Variants in NAA16 observed in about 807,000 individuals in gnomAD.
NAA16 encodes N-alpha-acetyltransferase 16, NatA auxiliary subunit.
In NAA16, 97 loss-of-function variants were observed where a neutral mutation model predicts 110.3. The ratio of observed to expected loss-of-function variants is 0.88; its 90% CI spans 0.75 to 1.04. The LOEUF (loss-of-function observed/expected upper bound fraction) is 1.04. NAA16 is among the 50% of genes least tolerant of loss of function. NAA16 has a pLI of 0.00. For missense variants in NAA16, 1,017 were observed against 1,005.1 expected (o/e 1.01, Z -0.16); for synonymous variants, 372 against 330.6 (o/e 1.13, Z -1.36).
intron 11 of NAA16, 134 bp downstream of exon 11, chr13:41,358,607 GT>G: frequency 6.9e-7 from 1 of 1,459,548 alleles, no homozygotes; most frequent in South Asian, 1.5e-5. Context: ...GTAGTTTCAT[GT>G]TATATTAATT....
At chr13:41,344,611 G>C (rs1267121116) in intron 9 of NAA16, among the ~76,000 whole-genome samples, 1 of 152,190 alleles carries the variant, frequency 6.6e-6, no homozygotes, top group Non-Finnish European at 1.5e-5. Flanking sequence ...CTGTTGACGT[G>C]TTGGGCTAGA....
At chr13:41,322,655 TG>T (rs2041976770) in intron 4 of NAA16, among the ~76,000 whole-genome samples, 1 of 152,176 alleles carries the variant, frequency 6.6e-6, no homozygotes, top group Non-Finnish European at 1.5e-5. Context: ...GTCCTGTGTC[TG>T]GCCAATTATT....
intron 17 of NAA16, 35 bp from the exon 18 acceptor site, chr13:41,373,602 A>G (rs781637068): frequency 2.6e-6 from 4 of 1,543,638 alleles, no homozygotes; most frequent in Non-Finnish European, 2.6e-6. Context: ...AGGACAGATC[A>G]AAAACAAAAA....
In NAA16 at chr13:41,342,980, C is replaced by T. The variant is rs1056039426; in HGVS notation, c.1014+6224C>T. Among the ~76,000 whole-genome samples the T allele has an allele frequency of 2.0e-5, 3 of 150,536 alleles. No homozygotes were observed. In the Admixed American group the frequency reaches 2.0e-4, roughly 10 times the overall value. On this transcript the variant is annotated intron_variant, in intron 9 of 19. Coordinates refer to ENST00000379406, the MANE Select transcript of NAA16 (RefSeq NM_024561.5). ...TTTCATCAAAAAAGTGCTATAATTACAATATAGAAAATTTGGAAAACAGAG... is the reference window on the plus strand; with the variant it reads ...TTTCATCAAAAAAGTGCTATAATTATAATATAGAAAATTTGGAAAACAGAG...
intron 9 of NAA16, among the ~76,000 whole-genome samples, chr13:41,353,186 C>T (rs897784006): frequency 6.6e-6 from 1 of 151,968 alleles, no homozygotes; most frequent in African/African-American, 2.4e-5. Context: ...TTTTAAAAGC[C>T]ACCTCTGGTT....
At chr13:41,335,223 G>C (rs1015811242) in intron 8 of NAA16, among the ~76,000 whole-genome samples, 2 of 17,648 alleles carry the variant, frequency 1.1e-4, no homozygotes, top group African/African-American at 8.9e-4. Flanking sequence ...TCAGATATCA[G>C]AGAAGAGACA....
At chr13:41,322,421 G>A (rs2041971248) in intron 4 of NAA16, among the ~76,000 whole-genome samples, 1 of 152,156 alleles carries the variant, frequency 6.6e-6, no homozygotes, top group African/African-American at 2.4e-5. Flanking sequence ...CCTCTGAATG[G>A]GGTGGAGGAG....
chr13:41,311,795 C>T (rs914295809), intron 1 of NAA16, among the ~76,000 whole-genome samples: 2 of 152,226 alleles, frequency 1.3e-5, no homozygotes, highest in Non-Finnish European at 2.9e-5. Flanking sequence ...TTTCCGCGGT[C>T]TTCTGCGGCT....
intron 9 of NAA16, among the ~76,000 whole-genome samples, chr13:41,343,323 C>T (rs953903898): frequency 4.6e-5 from 7 of 152,090 alleles, no homozygotes; most frequent in Non-Finnish European, 5.9e-5. Flanking sequence ...CTTCTGGGCT[C>T]AAGTGATTCT....
At chr13:41,352,304 T>C (rs1302307182) in intron 9 of NAA16, among the ~76,000 whole-genome samples, 1 of 151,738 alleles carries the variant, frequency 6.6e-6, no homozygotes, top group African/African-American at 2.4e-5. Flanking sequence ...TTCACACCAC[T>C]GCACTCCAGC....
chr13:41,316,409 C>T (rs151268537), intron 1 of NAA16, among the ~76,000 whole-genome samples: 30 of 150,972 alleles, frequency 2.0e-4, no homozygotes, highest in Middle Eastern at 6.9e-3. Flanking sequence ...TGCGTTCAAG[C>T]GATTCTCCTG....
chr13:41,372,699 A>C, intron 16 of NAA16, 33 bp from the exon 17 acceptor site: 5 of 1,566,530 alleles, frequency 3.2e-6, no homozygotes, highest in Non-Finnish European at 4.3e-6. Context: ...TGTAAGTATT[A>C]ATGCTATTAC....
chr13:41,312,447 A>G (rs927966089), intron 1 of NAA16, among the ~76,000 whole-genome samples: 2 of 152,158 alleles, frequency 1.3e-5, no homozygotes, highest in African/African-American at 4.8e-5. Flanking sequence ...CTGTTCTTCC[A>G]AGGAGAAGAG....
At chr13:41,374,649 C>A in intron 18 of NAA16, 93 bp from the exon 19 acceptor site, 1 of 850,570 alleles carries the variant, frequency 1.2e-6, no homozygotes. Context: ...TGATTAAACA[C>A]TTAAAACCAT....
At chr13:41,326,797 T>C (rs1256705971) in intron 6 of NAA16, among the ~76,000 whole-genome samples, 1 of 152,152 alleles carries the variant, frequency 6.6e-6, no homozygotes, top group Non-Finnish European at 1.5e-5. Flanking sequence ...CATATATCCC[T>C]GTATACCCAC....
In NAA16 at chr13:41,311,506, A is replaced by C; in HGVS notation, c.-23A>C. 1.3e-6 allele frequency: 2 copies of C among 1,587,606 alleles called. No individual in the cohort carries two copies. Among genetic ancestry groups the C allele is most frequent in the Non-Finnish European group, 8.6e-7 (1 of 1,167,840 alleles). ...CGGGCACCTAGCCTCCCTGCCGGCC[A>C]CCTAGCCTCCCTGCCGGCCACGATG... is the stretch of plus-strand genomic sequence containing the variant. On this transcript the variant is annotated 5_prime_UTR_variant, in exon 1 of 20. Transcript: ENST00000379406.
chr13:41,373,892 G>A, intron 18 of NAA16, 112 bp downstream of exon 18: 1 of 1,387,608 alleles, frequency 7.2e-7, no homozygotes, highest in Non-Finnish European at 9.3e-7. Context: ...TAAGTATGGG[G>A]AGAGAAATGT....
chr13:41,340,314 T>C (rs971324069), intron 9 of NAA16, among the ~76,000 whole-genome samples: 2 of 152,186 alleles, frequency 1.3e-5, no homozygotes, highest in African/African-American at 2.4e-5. Context: ...AAGGGTTTTT[T>C]GTGTCTGTAT....
chr13:41,362,681 C>T (rs889945197), intron 13 of NAA16: 41 of 1,288,306 alleles, frequency 3.2e-5, no homozygotes, highest in Non-Finnish European at 3.8e-5. Context: ...GGGGACTTTT[C>T]TTTTCCTTTG....
Sources: gnomAD v4.1 joint callset for allele counts (sites outside exome capture counted in the v4.1 genomes callset) on GRCh38, gnomAD v4.1.1 for gene constraint, MANE v1.5 for transcripts, NCBI Gene and HGNC (gene_info 2026-07-23, HGNC 2026-07-21) for gene names.